The following AAGAB variants were observed in gnomAD, a reference collection of about 807,000 sequenced individuals.
The protein encoded by AAGAB is alpha- and gamma-adaptin-binding protein p34.
AAGAB carries 38 observed loss-of-function variants against 44.1 expected under a neutral mutation model. That is an observed-to-expected ratio of 0.86 (90% CI 0.67 to 1.13). The LOEUF (loss-of-function observed/expected upper bound fraction) is 1.13, where lower values mean the gene tolerates loss of function less well. Among genes scored for constraint, AAGAB ranks in the 50% most tolerant of loss-of-function variants. AAGAB has a pLI of 0.00. For synonymous variants in AAGAB, 131 were observed against 131.8 expected (o/e 0.99, Z 0.04); for missense variants, 450 against 373.8 (o/e 1.20, Z -1.68).
rs59817309 is a variant in AAGAB, at chr15:67,242,429, C to CAAAAAAAAA, written c.74-5618_74-5610dup. On this transcript the variant is annotated intron_variant, in intron 1 of 9. Coordinates refer to ENST00000261880, the MANE Select transcript of AAGAB (RefSeq NM_024666.5). ...TGGGCGACAGAGCGAGACTCCGTCTCAAAAAAAAAAAAAAAAAAAAAAAAA... is the reference window on the plus strand; with the variant it reads ...TGGGCGACAGAGCGAGACTCCGTCTCAAAAAAAAAAAAAAAAAAAAAAAAAAAAAAAAAA... Among the ~76,000 whole-genome samples the CAAAAAAAAA allele has an allele frequency of 1.9e-4, 11 of 58,752 alleles. 2 individuals carry two copies. Among genetic ancestry groups the CAAAAAAAAA allele is most frequent in the African/African-American group, 6.0e-4 (11 of 18,312 alleles). The allele number at this position is 58,752 out of a possible 152,430, so 38.5% of individuals were successfully genotyped here. A position where few individuals can be genotyped will look rare whatever the true frequency, so the allele number is the denominator to read the frequency against.
chr15:67,243,390 A>G (rs1964649700), intron 1 of AAGAB, among the ~76,000 whole-genome samples: 1 of 152,172 alleles, frequency 6.6e-6, no homozygotes, highest in Non-Finnish European at 1.5e-5. Context: ...TTAGAGGGGT[A>G]GGGCACTTCT....
rs1339125560 is a variant in AAGAB, at chr15:67,222,240, GCGCACACACACA to G, written c.535+9562_535+9573del. ...CATGCATGCACGCGCACGCGCGCGC[GCGCACACACACA>G]CACACACACACACACACACACACAC... On this transcript the variant is annotated intron_variant, in intron 5 of 9. Transcript: ENST00000261880. 5.6e-3 allele frequency among the ~76,000 whole-genome samples: 498 copies of G among 88,270 alleles called. 5 individuals are homozygous for G. The highest frequency in any genetic ancestry group is 9.5e-3 in the African/African-American group (284 of 29,938). 57.9% of individuals were successfully genotyped at this position (88,270 alleles called of 152,430 possible). A position where few individuals can be genotyped will look rare whatever the true frequency, so the allele number is the denominator to read the frequency against.
intron 4 of AAGAB, chr15:67,232,792 G>A (rs755607080): frequency 1.1e-4 from 24 of 210,892 alleles, no homozygotes; most frequent in Non-Finnish European, 2.1e-4. Context: ...AAGAAGGTAG[G>A]CAGACAGCAA....
chr15:67,206,062 C>G (rs1963678015), intron 7 of AAGAB, among the ~76,000 whole-genome samples: 1 of 152,150 alleles, frequency 6.6e-6, no homozygotes, highest in Admixed American at 6.5e-5. Context: ...CCACTAATAT[C>G]CTTTTTCTGT....
At chr15:67,223,719 C>A (rs1268739266) in intron 5 of AAGAB, among the ~76,000 whole-genome samples, 1 of 152,188 alleles carries the variant, frequency 6.6e-6, no homozygotes, top group East Asian at 1.9e-4. Flanking sequence ...CATTCAACAA[C>A]CTGCAACAGT....
chr15:67,244,245 A>G (rs1277691620), intron 1 of AAGAB, among the ~76,000 whole-genome samples: 1 of 152,226 alleles, frequency 6.6e-6, no homozygotes, highest in Non-Finnish European at 1.5e-5. Flanking sequence ...TCAGAAAGCT[A>G]ACAGATCCAA....
At chr15:67,230,162 A>AT (rs1721138413) in intron 5 of AAGAB, among the ~76,000 whole-genome samples, 1 of 151,586 alleles carries the variant, frequency 6.6e-6, no homozygotes. Flanking sequence ...GTAAAATATG[A>AT]TTTTTCTCAT....
chr15:67,230,844 T>C (rs1964317841), intron 5 of AAGAB, among the ~76,000 whole-genome samples: 1 of 152,084 alleles, frequency 6.6e-6, no homozygotes, highest in Non-Finnish European at 1.5e-5. Context: ...CTCCCTTAAC[T>C]TCAGACTCTA....
Position 67,209,547 on chromosome 15 carries a change from G to A in AAGAB, c.536-3C>T. The A allele has an allele frequency of 6.2e-7, 1 of 1,610,722 alleles. No homozygotes were observed. ...AAGGCTAAAGCCTTGGTTCCTATCT[G>A]AAAAGGAAAAATACACTTAGTGAAA... On this transcript the variant is annotated splice_polypyrimidine_tract_variant and splice_region_variant and intron_variant, in intron 5 of 9. Transcript: ENST00000261880.
intron 1 of AAGAB, chr15:67,254,293 A>C (rs1220110111): frequency 1.2e-6 from 1 of 859,306 alleles, no homozygotes; most frequent in Admixed American, 3.6e-5. Context: ...CCTCGCAAAA[A>C]CCTGTGGCCT....
At chr15:67,215,481 T>C (rs865868606) in intron 5 of AAGAB, among the ~76,000 whole-genome samples, 104 of 152,368 alleles carry the variant, frequency 6.8e-4, no homozygotes, top group Middle Eastern at 3.4e-3. Context: ...AGTTTTTATT[T>C]CCTTAATGTA....
rs759614822 is a variant in AAGAB, at chr15:67,231,827, T to A, written c.522A>T (p.Val174=). 1 of 1,611,518 alleles carries A rather than the reference T, an allele frequency of 6.2e-7. No individual in the cohort carries two copies. The highest frequency in any genetic ancestry group is 2.2e-5 in the East Asian group (1 of 44,810). ...CAAGTTACTTACCATTCTTCATCAC[T>A]ACATTGGACCACACATTGGCATTCA... The part of the protein sequence containing the change: ...QALNANVWSN[V]VMKNDRNQGF... Residue 174 remains valine (V), a synonymous_variant, in exon 5 of 10, where the codon GTA becomes GTT. Transcript: ENST00000261880.
At chr15:67,243,453 G>C in intron 1 of AAGAB, among the ~76,000 whole-genome samples, 1 of 152,202 alleles carries the variant, frequency 6.6e-6, no homozygotes, top group East Asian at 1.9e-4. Flanking sequence ...GTTCTCTATG[G>C]GGATGTGATT....
At position 67,243,863 on chromosome 15, in the gene AAGAB, A is replaced by G. The variant is rs138512130; in HGVS notation, c.74-7043T>C. On this transcript the variant is annotated intron_variant, in intron 1 of 9. Coordinates refer to ENST00000261880, the MANE Select transcript of AAGAB (RefSeq NM_024666.5). ...ATCTATCTCTGATAAAGTCTATCTC[A>G]AGTGTCTTCTTTGATTATTAACCAT... Among the ~76,000 whole-genome samples, 72 of 152,332 alleles carry G rather than the reference A, an allele frequency of 4.7e-4. No homozygotes were observed. In the East Asian group the frequency reaches 0.011, roughly 23 times the overall value.
chr15:67,236,129 G>A, intron 3 of AAGAB, 61 bp from the exon 4 acceptor site: 2 of 1,272,688 alleles, frequency 1.6e-6, no homozygotes, highest in Non-Finnish European at 2.3e-6. Flanking sequence ...GACTATTCCT[G>A]CAATATTCTT....
At chr15:67,227,976 G>A (rs1444244195) in intron 5 of AAGAB, among the ~76,000 whole-genome samples, 3 of 152,170 alleles carry the variant, frequency 2.0e-5, no homozygotes, top group African/African-American at 7.2e-5. Flanking sequence ...GGAAACCTCA[G>A]GGCAAAGAAC....
intron 9 of AAGAB, among the ~76,000 whole-genome samples, chr15:67,203,127 C>T (rs576934999): frequency 1.3e-5 from 2 of 152,174 alleles, no homozygotes; most frequent in African/African-American, 4.8e-5. Flanking sequence ...TAAAGACATG[C>T]ACAGCTTTGT....
intron 7 of AAGAB, among the ~76,000 whole-genome samples, chr15:67,207,959 G>A (rs1310364776): frequency 2.0e-5 from 3 of 152,070 alleles, no homozygotes; most frequent in Non-Finnish European, 2.9e-5. Context: ...CACATGAGCC[G>A]TCTGTAGCAT....
intron 1 of AAGAB, among the ~76,000 whole-genome samples, chr15:67,238,984 C>T (rs889372487): frequency 5.3e-5 from 8 of 152,202 alleles, no homozygotes; most frequent in Non-Finnish European, 1.0e-4. Context: ...CATGAGCCAC[C>T]ATGCCCACCC....
Sources: gnomAD v4.1 joint callset for allele counts (sites outside exome capture counted in the v4.1 genomes callset) on GRCh38, gnomAD v4.1.1 for gene constraint, MANE v1.5 for transcripts, NCBI Gene and HGNC (gene_info 2026-07-23, HGNC 2026-07-21) for gene names.